Variants in SOCS5 observed in about 807,000 individuals in gnomAD.
SOCS5 encodes the protein suppressor of cytokine signaling 5, also known as CIS-6.
Under a neutral mutation model 42.8 loss-of-function variants are expected in SOCS5, and 32 were observed. That is an observed-to-expected ratio of 0.75 (90% confidence interval 0.56 to 1.01). The LOEUF is 1.01. Among genes scored for constraint, SOCS5 ranks in the 50% least tolerant of loss-of-function variants. The pLI, the probability that SOCS5 is intolerant of heterozygous loss-of-function variation, is 0.00. For synonymous variants in SOCS5, 283 were observed against 229.6 expected (o/e 1.23, Z -2.10); for missense variants, 627 against 653.0 (o/e 0.96, Z 0.43).
Position 46,758,503 on chromosome 2 carries a change from G to T in SOCS5, c.-12-16G>T, listed in dbSNP as rs1310840781. On this transcript the variant is annotated splice_polypyrimidine_tract_variant and intron_variant, in intron 1 of 1. Coordinates refer to ENST00000394861, the MANE Select transcript of SOCS5 (RefSeq NM_144949.3). ...TTGATTAATTTATTTTTCTCTTTTT[G>T]CTGTTTTGTCTTTAGATTTTATAAT... The T allele has an allele frequency of 1.3e-6, 2 of 1,521,694 alleles. No homozygotes were observed. Among genetic ancestry groups the T allele is most frequent in the Admixed American group, 2.0e-5 (1 of 49,886 alleles). 94.3% of individuals were successfully genotyped at this position (1,521,694 alleles called of 1,614,324 possible). A position where few individuals can be genotyped will look rare whatever the true frequency, so the allele number is the denominator to read the frequency against.
At chr2:46,718,366 A>G (rs868061920) in intron 1 of SOCS5, among the ~76,000 whole-genome samples, 1 of 152,216 alleles carries the variant, frequency 6.6e-6, no homozygotes, top group Non-Finnish European at 1.5e-5. Flanking sequence ...TTTTTGGTAT[A>G]TTATACTTTT....
At chr2:46,715,924 A>G (rs1007082488) in intron 1 of SOCS5, among the ~76,000 whole-genome samples, 7 of 151,928 alleles carry the variant, frequency 4.6e-5, no homozygotes, top group East Asian at 1.9e-4. Context: ...CATATGTTCA[A>G]CCACTTAATA....
chr2:46,745,329 G>A (rs1558410498), intron 1 of SOCS5, among the ~76,000 whole-genome samples: 1 of 152,134 alleles, frequency 6.6e-6, no homozygotes, highest in Non-Finnish European at 1.5e-5. Context: ...GGGGGAGACA[G>A]GAAAGGGAAA....
rs530170062 is a variant in SOCS5, at chr2:46,760,276, C to T, written c.*135C>T. 3.1e-5 allele frequency: 20 copies of T among 650,024 alleles called. No homozygotes were observed. The East Asian group carries it at 5.5e-4, about 18-fold the overall frequency. The allele number at this position is 650,024 out of a possible 1,614,324, so 40.3% of individuals were successfully genotyped here. A position where few individuals can be genotyped will look rare whatever the true frequency, so the allele number is the denominator to read the frequency against. On this transcript the variant is annotated 3_prime_UTR_variant, in exon 2 of 2. Transcript: ENST00000394861. ...GCTTAGTGTTAGTATCTGTCAGATG[C>T]TACCTGCTGTTACTTATTCAGATAA...
At chr2:46,732,573 G>A (rs775846331) in intron 1 of SOCS5, among the ~76,000 whole-genome samples, 1 of 152,206 alleles carries the variant, frequency 6.6e-6, no homozygotes, top group East Asian at 1.9e-4. Flanking sequence ...CCACTTGAAA[G>A]AATTTACATT....
At chr2:46,715,138 G>A (rs1366156366) in intron 1 of SOCS5, among the ~76,000 whole-genome samples, 1 of 152,082 alleles carries the variant, frequency 6.6e-6, no homozygotes, top group Non-Finnish European at 1.5e-5. Flanking sequence ...GGAGGCTGAG[G>A]TGGGTGGATT....
chr2:46,740,974 A>G (rs1442268883), intron 1 of SOCS5, among the ~76,000 whole-genome samples: 3 of 152,160 alleles, frequency 2.0e-5, no homozygotes, highest in Admixed American at 1.3e-4. Flanking sequence ...GAAATTCATT[A>G]GTGATATTAC....
intron 1 of SOCS5, among the ~76,000 whole-genome samples, chr2:46,712,492 T>A (rs112492625): frequency 0.067 from 10,184 of 152,048 alleles, 363 homozygotes; most frequent in Middle Eastern, 0.13. Context: ...TATAGGCGCG[T>A]GCCACCACGC....
chr2:46,732,138 C>G (rs995289241), intron 1 of SOCS5, among the ~76,000 whole-genome samples: 1 of 152,140 alleles, frequency 6.6e-6, no homozygotes, highest in African/African-American at 2.4e-5. Context: ...TTAAATGGCA[C>G]ATAAGAAAAT....
At chr2:46,736,128 CT>C (rs1673240811) in intron 1 of SOCS5, among the ~76,000 whole-genome samples, 1 of 151,890 alleles carries the variant, frequency 6.6e-6, no homozygotes, top group Admixed American at 6.6e-5. Flanking sequence ...GCAGCCTCGA[CT>C]TTCTGGGCCC....
At position 46,719,246 on chromosome 2, in the gene SOCS5, T is replaced by C. The variant is rs529948564; in HGVS notation, c.-13+19797T>C. Reference sequence around the variant, plus strand: ...CAGGATGATACATGTCCAATCCTTTTTTCCATTTTTGCAGATACTTTAGCT... The same window carrying C: ...CAGGATGATACATGTCCAATCCTTTCTTCCATTTTTGCAGATACTTTAGCT... On this transcript the variant is annotated intron_variant, in intron 1 of 1. Transcript: ENST00000394861. Among the ~76,000 whole-genome samples the C allele has an allele frequency of 1.2e-4, 18 of 152,304 alleles. No homozygotes were observed. The East Asian group carries it at 3.3e-3, about 28-fold the overall frequency.
chr2:46,709,760 C>G (rs1170800000), intron 1 of SOCS5, among the ~76,000 whole-genome samples: 2 of 152,158 alleles, frequency 1.3e-5, no homozygotes. Context: ...TGAACATGAA[C>G]AGAGGATACT....
At chr2:46,740,730 G>T (rs1673354537) in intron 1 of SOCS5, among the ~76,000 whole-genome samples, 1 of 151,902 alleles carries the variant, frequency 6.6e-6, no homozygotes, top group African/African-American at 2.4e-5. Flanking sequence ...ATGAGGATCT[G>T]CCACTGCCTA....
chr2:46,747,959 A>G (rs1057016914), intron 1 of SOCS5, among the ~76,000 whole-genome samples: 2 of 152,308 alleles, frequency 1.3e-5, no homozygotes, highest in African/African-American at 2.4e-5. Context: ...TGATTGTCCT[A>G]TTTCTAAAAA....
intron 1 of SOCS5, among the ~76,000 whole-genome samples, chr2:46,717,073 C>T (rs757656352): frequency 5.9e-5 from 9 of 152,170 alleles, no homozygotes; most frequent in Non-Finnish European, 1.3e-4. Context: ...GAGTTACACA[C>T]CACATGTATG....
In SOCS5 at chr2:46,747,225, TCTTA is replaced by T. The variant is rs567711145; in HGVS notation, c.-12-11290_-12-11287del. 5.1e-3 allele frequency among the ~76,000 whole-genome samples: 771 copies of T among 152,296 alleles called. 1 individual carries two copies. The highest frequency in any genetic ancestry group is 8.2e-3 in the Non-Finnish European group (561 of 68,030). On this transcript the variant is annotated intron_variant, in intron 1 of 1. Coordinates refer to ENST00000394861, the MANE Select transcript of SOCS5 (RefSeq NM_144949.3). Reference sequence around the variant, plus strand: ...TTGCTTACAGTTGTTCATAGTGGTCTCTTACTTTTTTTTGAGACAGGATTTTGCT... The same window carrying T: ...TTGCTTACAGTTGTTCATAGTGGTCTCTTTTTTTTGAGACAGGATTTTGCT...
chr2:46,758,512 T>C lies in SOCS5; in HGVS notation c.-12-7T>C, dbSNP rs369277165. On this transcript the variant is annotated splice_polypyrimidine_tract_variant and splice_region_variant and intron_variant, in intron 1 of 1. Transcript: ENST00000394861. ...TTATTTTTCTCTTTTTGCTGTTTTG[T>C]CTTTAGATTTTATAATCAATGGATA... The C allele has an allele frequency of 5.1e-6, 8 of 1,557,904 alleles. No homozygotes were observed. The South Asian group carries it at 9.7e-5, about 19-fold the overall frequency.
chr2:46,736,131 T>G (rs74931250), intron 1 of SOCS5, among the ~76,000 whole-genome samples: 12,907 of 151,948 alleles, frequency 0.085, 671 homozygotes, highest in Middle Eastern at 0.25. Flanking sequence ...GCCTCGACTT[T>G]CTGGGCCCAA....
chr2:46,711,442 T>C (rs886081267), intron 1 of SOCS5, among the ~76,000 whole-genome samples: 3 of 152,234 alleles, frequency 2.0e-5, no homozygotes, highest in Non-Finnish European at 4.4e-5. Context: ...GATATGTCTG[T>C]TCAAGGCATT....
Sources: allele counts gnomAD v4.1 joint callset (sites outside exome capture counted in the v4.1 genomes callset), GRCh38; gene constraint gnomAD v4.1.1; transcripts MANE v1.5; gene names NCBI Gene and HGNC (gene_info 2026-07-23, HGNC 2026-07-21).